The following ANKMY1 variants were observed in gnomAD, a reference collection of about 807,000 sequenced individuals.
ANKMY1 encodes the protein ankyrin repeat and MYND domain containing 1, also known as ankyrin repeat and MYND domain-containing protein 1.
A neutral mutation model predicts 102.0 loss-of-function variants in ANKMY1; 98 were observed. The ratio of observed to expected loss-of-function variants is 0.96; its 90% CI spans 0.82 to 1.14. The LOEUF (loss-of-function observed/expected upper bound fraction) is 1.14. ANKMY1 is among the 50% of genes most tolerant of loss of function. ANKMY1 has a pLI of 0.00. For synonymous variants in ANKMY1, 582 were observed against 559.9 expected (o/e 1.04, Z -0.56); for missense variants, 1,330 against 1,347.6 (o/e 0.99, Z 0.20).
chr2:240,545,765 G>A (rs1214236646), intron 4 of ANKMY1, among the ~76,000 whole-genome samples: 1 of 152,128 alleles, frequency 6.6e-6, no homozygotes, highest in African/African-American at 2.4e-5. Context: ...TATCAGCGAT[G>A]GAAGATGAAG....
chr2:240,528,468 C>T (rs1184843510), intron 5 of ANKMY1, among the ~76,000 whole-genome samples: 1 of 152,206 alleles, frequency 6.6e-6, no homozygotes, highest in Non-Finnish European at 1.5e-5. Context: ...CCTGTGCTCC[C>T]ACCCTTAGCT....
Position 240,555,281 on chromosome 2 carries a change from G to T in ANKMY1, c.147-226C>A, listed in dbSNP as rs1322999325. The T allele has an allele frequency of 8.8e-6, 5 of 568,742 alleles. No homozygotes were observed. The East Asian group carries it at 1.4e-4, about 16-fold the overall frequency. 35.2% of individuals were successfully genotyped at this position (568,742 alleles called of 1,614,324 possible). A position where few individuals can be genotyped will look rare whatever the true frequency, so the allele number is the denominator to read the frequency against. On this transcript the variant is annotated intron_variant, in intron 2 of 17. Coordinates refer to ENST00000401804, the MANE Select transcript of ANKMY1 (RefSeq NM_001282771.3). ...GGAATGCACAGTAAGGCTGCCAACG[G>T]ATAGGAGAGATGCTGCCAGGCTCTA...
chr2:240,500,158 G>A lies in ANKMY1; in HGVS notation c.2641-35C>T, dbSNP rs369895157. ...AGCACCAGGGTCACCACAGGGTCCC[G>A]GGCCCGCCCCTCACTGCTGGGGTGA... is the stretch of plus-strand genomic sequence containing the variant. On this transcript the variant is annotated intron_variant, in intron 14 of 17. Transcript: ENST00000401804. 1,173 of 1,537,628 alleles carry A rather than the reference G, an allele frequency of 7.6e-4. 13 individuals are homozygous for A. In the South Asian group the frequency reaches 9.9e-3, roughly 13 times the overall value.
At chr2:240,515,534 C>CA (rs964943883) in intron 9 of ANKMY1, among the ~76,000 whole-genome samples, 15 of 145,738 alleles carry the variant, frequency 1.0e-4, no homozygotes, top group East Asian at 8.0e-4. Flanking sequence ...GACTCAGTCT[C>CA]AAAAAAAAAG....
chr2:240,558,929 T>G (rs1345489395), upstream of ANKMY1, among the ~76,000 whole-genome samples: 2 of 152,198 alleles, frequency 1.3e-5, no homozygotes, highest in Admixed American at 6.5e-5. Context: ...ACTCTAATAT[T>G]TTCATGTAGT....
intron 4 of ANKMY1, among the ~76,000 whole-genome samples, chr2:240,530,865 A>C (rs914768233): frequency 6.6e-6 from 1 of 152,060 alleles, no homozygotes; most frequent in Non-Finnish European, 1.5e-5. Flanking sequence ...GTGAGCTATG[A>C]TCACACCACT....
At chr2:240,471,646 G>A in the ANKMY1 span, among the ~76,000 whole-genome samples, 1 of 152,162 alleles carries the variant, frequency 6.6e-6, no homozygotes, top group South Asian at 2.1e-4. Flanking sequence ...TGGCAGAACA[G>A]GGGACCCCCT....
At chr2:240,554,623 G>A in intron 3 of ANKMY1, 1 of 504,156 alleles carries the variant, frequency 2.0e-6, no homozygotes. Flanking sequence ...CCCAGAATAA[G>A]AACTTATCTT....
chr2:240,527,826 G>A (rs1033355407), intron 5 of ANKMY1: 4 of 151,844 alleles, frequency 2.6e-5, no homozygotes, highest in Admixed American at 2.0e-4. Context: ...GTGTGCTGAT[G>A]GATGAATGGA....
chr2:240,555,142 A>G (rs1483782929), intron 2 of ANKMY1, 87 bp from the exon 3 acceptor site: 1 of 1,401,808 alleles, frequency 7.1e-7, no homozygotes, highest in Non-Finnish European at 9.9e-7. Flanking sequence ...AGCACAACCC[A>G]GCATCTCATT....
rs34916770 is a variant in ANKMY1, at chr2:240,533,718, A to AACACACACAC, written c.481-4219_481-4210dup. ...ACAATTATTGGGCTGGATTTCAATA[A>AACACACACAC]ACACACACACACACACACACACACA... On this transcript the variant is annotated intron_variant, in intron 4 of 17. Transcript: ENST00000401804. 8.0e-4 allele frequency among the ~76,000 whole-genome samples: 116 copies of AACACACACAC among 145,634 alleles called. No homozygotes were observed. In the East Asian group the frequency reaches 9.6e-3, roughly 12 times the overall value.
chr2:240,468,869 G>A, the ANKMY1 span, among the ~76,000 whole-genome samples: 1 of 152,142 alleles, frequency 6.6e-6, no homozygotes, highest in Non-Finnish European at 1.5e-5. Flanking sequence ...TCCCAGCTCC[G>A]GGCAGGACGA....
At chr2:240,557,415 C>T in intron 1 of ANKMY1, 63 bp from the exon 2 acceptor site, 1 of 1,403,708 alleles carries the variant, frequency 7.1e-7, no homozygotes. Flanking sequence ...TCAGAGGGCG[C>T]CCGAGGCCCG....
intron 15 of ANKMY1, among the ~76,000 whole-genome samples, chr2:240,483,458 G>C (rs2075678086): frequency 6.6e-6 from 1 of 152,218 alleles, no homozygotes; most frequent in Non-Finnish European, 1.5e-5. Flanking sequence ...CATCTGGCCT[G>C]TATTATTTAA....
the ANKMY1 span, among the ~76,000 whole-genome samples, chr2:240,473,648 A>G: frequency 6.6e-6 from 1 of 152,192 alleles, no homozygotes; most frequent in Non-Finnish European, 1.5e-5. Context: ...AAACTTTCCA[A>G]AGTTGGGGTA....
At chr2:240,536,281 CTTT>C (rs539958443) in intron 4 of ANKMY1, among the ~76,000 whole-genome samples, 1 of 151,398 alleles carries the variant, frequency 6.6e-6, no homozygotes, top group African/African-American at 2.4e-5. Flanking sequence ...AAAGAAAATT[CTTT>C]TTTTTTCTTT....
intron 13 of ANKMY1, among the ~76,000 whole-genome samples, chr2:240,505,461 C>CAAA (rs540912833): frequency 7.3e-6 from 1 of 137,354 alleles, no homozygotes. Flanking sequence ...GACTCTGACT[C>CAAA]AAAAAAAAAA....
chr2:240,539,146 TTCTTTCGC>T lies in ANKMY1; in HGVS notation c.481-9645_481-9638del, dbSNP rs574868059. ...CCCCTTCCACACTGTGAAAGCTTTG[TTCTTTCGC>T]TCTTTGCAATACATCTTTCTGCTGC... On this transcript the variant is annotated intron_variant, in intron 4 of 17. Coordinates refer to ENST00000401804, the MANE Select transcript of ANKMY1 (RefSeq NM_001282771.3). Among the ~76,000 whole-genome samples the T allele has an allele frequency of 2.6e-3, 391 of 152,316 alleles. 10 individuals are homozygous for T. The highest frequency in any genetic ancestry group is 0.022 in the Admixed American group (339 of 15,306).
intron 15 of ANKMY1, among the ~76,000 whole-genome samples, chr2:240,496,862 T>C (rs1031148683): frequency 3.1e-4 from 47 of 152,224 alleles, no homozygotes; most frequent in African/African-American, 1.0e-3. Context: ...GTTCCAAAGG[T>C]CAGTATTGAA....
Sources: gnomAD v4.1 joint callset for allele counts (sites outside exome capture counted in the v4.1 genomes callset) on GRCh38, gnomAD v4.1.1 for gene constraint, MANE v1.5 for transcripts, NCBI Gene and HGNC (gene_info 2026-07-23, HGNC 2026-07-21) for gene names.